NEGR1: variants seen among roughly 807,000 people sequenced by gnomAD.
NEGR1 encodes IgLON family member 4.
A neutral mutation model predicts 40.9 loss-of-function variants in NEGR1; 10 were observed. The observed-to-expected ratio is 0.24, with a 90% confidence interval of 0.15 to 0.42. The LOEUF (loss-of-function observed/expected upper bound fraction) is 0.42, where lower values mean the gene tolerates loss of function less well. Ranked by LOEUF, NEGR1 falls within the 10% of genes least tolerant of loss-of-function variation. The probability of loss-of-function intolerance (pLI) is 1.00; values close to 1 mark genes in which losing one functional copy is unlikely to be tolerated. For synonymous variants in NEGR1, 185 were observed against 166.8 expected (o/e 1.11, Z -0.84); for missense variants, 352 against 438.9 (o/e 0.80, Z 1.77).
At chr1:71,730,231 A>G (rs1219242275) in intron 3 of NEGR1, among the ~76,000 whole-genome samples, 1 of 152,052 alleles carries the variant, frequency 6.6e-6, no homozygotes, top group Non-Finnish European at 1.5e-5. Flanking sequence ...AGTAGATGGT[A>G]AAAATAAGAG....
At chr1:71,726,478 T>C (rs1654678309) in intron 3 of NEGR1, among the ~76,000 whole-genome samples, 1 of 152,106 alleles carries the variant, frequency 6.6e-6, no homozygotes, top group African/African-American at 2.4e-5. Flanking sequence ...AGTTAGGAGC[T>C]GGTGGTAAGA....
intron 1 of NEGR1, among the ~76,000 whole-genome samples, chr1:71,939,740 T>A (rs538818506): frequency 6.6e-6 from 1 of 152,016 alleles, no homozygotes; most frequent in Admixed American, 6.6e-5. Flanking sequence ...TACACATAGC[T>A]ACTTGAAATA....
intron 1 of NEGR1, among the ~76,000 whole-genome samples, chr1:72,248,351 G>A (rs150229820): frequency 0.017 from 2,563 of 151,984 alleles, 87 homozygotes; most frequent in African/African-American, 0.059. Context: ...TCCGCCTTCC[G>A]GGTTCAAGCA....
At chr1:72,117,333 A>C (rs1649620950) in intron 1 of NEGR1, among the ~76,000 whole-genome samples, 1 of 151,770 alleles carries the variant, frequency 6.6e-6, no homozygotes, top group South Asian at 2.1e-4. Flanking sequence ...AGTGATCCTT[A>C]AGCACAAGCC....
intron 6 of NEGR1, among the ~76,000 whole-genome samples, chr1:71,419,251 G>A (rs1274549216): frequency 1.1e-4 from 16 of 152,146 alleles, no homozygotes; most frequent in Admixed American, 1.0e-3. Flanking sequence ...AAGACAATAA[G>A]CTTGTACAAA....
intron 2 of NEGR1, among the ~76,000 whole-genome samples, chr1:71,916,764 A>G (rs1226138054): frequency 1.3e-5 from 2 of 152,146 alleles, no homozygotes; most frequent in Admixed American, 6.5e-5. Context: ...AAAAAAGACA[A>G]AACAAAACAA....
chr1:72,133,216 G>A (rs573004242), intron 1 of NEGR1, among the ~76,000 whole-genome samples: 4 of 152,076 alleles, frequency 2.6e-5, no homozygotes, highest in South Asian at 2.1e-4. Flanking sequence ...CCATAAATTC[G>A]ATTAAATTTA....
At position 72,064,248 on chromosome 1, in the gene NEGR1, A is replaced by C. The variant is rs571995734; in HGVS notation, c.177-128937T>G. Among the ~76,000 whole-genome samples the C allele has an allele frequency of 2.6e-5, 4 of 152,028 alleles. No individual in the cohort carries two copies. In the South Asian group the frequency reaches 8.3e-4, roughly 32 times the overall value. On this transcript the variant is annotated intron_variant, in intron 1 of 6. Coordinates refer to ENST00000357731, the MANE Select transcript of NEGR1 (RefSeq NM_173808.3). ...TTGCCTTTCCAGTCTCCCAGAAGGA[A>C]CATTTTTACTTCGTCTTTTTCTCTT...
intron 1 of NEGR1, among the ~76,000 whole-genome samples, chr1:72,024,806 A>G (rs1646792660): frequency 1.3e-5 from 2 of 152,164 alleles, no homozygotes; most frequent in Non-Finnish European, 2.9e-5. Context: ...AGCTCCCTAA[A>G]CCTGACGATT....
chr1:71,677,922 T>G (rs1361117914), intron 4 of NEGR1, among the ~76,000 whole-genome samples: 2 of 152,160 alleles, frequency 1.3e-5, no homozygotes, highest in Non-Finnish European at 2.9e-5. Flanking sequence ...GCTAATAAGA[T>G]TTACTGTTAA....
intron 1 of NEGR1, among the ~76,000 whole-genome samples, chr1:72,116,010 T>G: frequency 6.6e-6 from 1 of 151,896 alleles, no homozygotes; most frequent in East Asian, 1.9e-4. Context: ...AAAACATTTA[T>G]GCAAATGTTA....
chr1:71,762,853 A>C (rs1655992470), intron 3 of NEGR1, among the ~76,000 whole-genome samples: 1 of 152,150 alleles, frequency 6.6e-6, no homozygotes, highest in Admixed American at 6.5e-5. Flanking sequence ...CTAAGCCAAA[A>C]CATCATTTGG....
intron 1 of NEGR1, among the ~76,000 whole-genome samples, chr1:72,021,129 A>T (rs1358391025): frequency 1.3e-5 from 2 of 152,162 alleles, no homozygotes; most frequent in Non-Finnish European, 2.9e-5. Flanking sequence ...AAAATATTAC[A>T]TTTTGAAAAC....
chr1:72,100,693 G>A (rs1201096650), intron 1 of NEGR1: 1 of 152,144 alleles, frequency 6.6e-6, no homozygotes, highest in Non-Finnish European at 1.5e-5. Context: ...CGTCTTCTGA[G>A]GGCCAAACAA....
At chr1:72,201,296 AAAT>A (rs1653194638) in intron 1 of NEGR1, among the ~76,000 whole-genome samples, 1 of 150,908 alleles carries the variant, frequency 6.6e-6, no homozygotes, top group Non-Finnish European at 1.5e-5. Context: ...ATAATATAAA[AAAT>A]AATTTTTTTA....
intron 1 of NEGR1, among the ~76,000 whole-genome samples, chr1:71,984,646 T>G (rs533593506): frequency 5.6e-4 from 85 of 152,184 alleles, no homozygotes; most frequent in Non-Finnish European, 1.0e-3. Context: ...AAGTCTTATC[T>G]CATATAGTTG....
intron 2 of NEGR1, among the ~76,000 whole-genome samples, chr1:71,877,619 G>A (rs1402314471): frequency 6.6e-6 from 1 of 152,112 alleles, no homozygotes; most frequent in Non-Finnish European, 1.5e-5. Flanking sequence ...GGTACTGAAG[G>A]TTAGGACTTT....
chr1:72,015,373 T>C (rs1160566738), intron 1 of NEGR1, among the ~76,000 whole-genome samples: 1 of 152,052 alleles, frequency 6.6e-6, no homozygotes, highest in African/African-American at 2.4e-5. Context: ...GTCACAAAAA[T>C]GCATCTTTCA....
chr1:71,610,690 T>C (rs1422268854), intron 5 of NEGR1, among the ~76,000 whole-genome samples: 1 of 152,192 alleles, frequency 6.6e-6, no homozygotes, highest in Non-Finnish European at 1.5e-5. Flanking sequence ...AGTGCTCTTG[T>C]GGAAGCTGTA....
Sources: allele counts gnomAD v4.1 joint callset (sites outside exome capture counted in the v4.1 genomes callset), GRCh38; gene constraint gnomAD v4.1.1; transcripts MANE v1.5; gene names NCBI Gene and HGNC (gene_info 2026-07-23, HGNC 2026-07-21).